The following STK32B variants were observed in gnomAD, a reference collection of about 807,000 sequenced individuals.
The protein encoded by STK32B is serine/threonine-protein kinase 32B.
Under a neutral mutation model 52.6 loss-of-function variants are expected in STK32B, and 43 were observed. That is an observed-to-expected ratio of 0.82 (90% confidence interval 0.64 to 1.05). The LOEUF (loss-of-function observed/expected upper bound fraction) is 1.05. Ranked by LOEUF, STK32B falls within the 50% of genes least tolerant of loss-of-function variation. STK32B has a pLI of 0.00. For missense variants in STK32B, 621 were observed against 534.6 expected, an observed-to-expected ratio of 1.16 and a Z score of -1.59; for synonymous variants, 238 against 204.3, an observed-to-expected ratio of 1.17 and a Z score of -1.41.
At chr4:5,260,139 A>G (rs929506321) in intron 3 of STK32B, among the ~76,000 whole-genome samples, 4 of 152,150 alleles carry the variant, frequency 2.6e-5, no homozygotes. Flanking sequence ...ACTAAAATTT[A>G]CAGCTTCACG....
At chr4:5,126,278 C>A (rs1224164630) in intron 1 of STK32B, among the ~76,000 whole-genome samples, 1 of 152,148 alleles carries the variant, frequency 6.6e-6, no homozygotes, top group South Asian at 2.1e-4. Flanking sequence ...ATCTCCATCC[C>A]TTCTTGTCAT....
intron 3 of STK32B, among the ~76,000 whole-genome samples, chr4:5,290,831 G>T (rs1728853686): frequency 6.6e-6 from 1 of 152,038 alleles, no homozygotes; most frequent in Non-Finnish European, 1.5e-5. Context: ...AAATTGATCT[G>T]TAGATTCAAC....
At chr4:5,214,210 A>C (rs925927515) in intron 3 of STK32B, 3 of 152,150 alleles carry the variant, frequency 2.0e-5, no homozygotes, top group Admixed American at 6.5e-5. Context: ...CTGGTTGTTT[A>C]AAAGTGTGTA....
chr4:5,371,941 A>C (rs527822623), intron 4 of STK32B, among the ~76,000 whole-genome samples: 2 of 152,204 alleles, frequency 1.3e-5, no homozygotes, highest in Admixed American at 6.5e-5. Flanking sequence ...AAGCACCTCC[A>C]TGCAGAACAC....
Position 5,264,971 on chromosome 4 carries a change from T to C in STK32B, c.261-66249T>C, listed in dbSNP as rs115321117. ...TGGATGAACTGCCATTTTTCTTCTT[T>C]ATGTTCATTGCTTCCTATCCCCTAA... On this transcript the variant is annotated intron_variant, in intron 3 of 11. Coordinates refer to ENST00000282908, the MANE Select transcript of STK32B (RefSeq NM_018401.3). 5.6e-3 allele frequency among the ~76,000 whole-genome samples: 856 copies of C among 152,326 alleles called. 5 individuals are homozygous for C. The highest frequency in any genetic ancestry group is 0.019 in the African/African-American group (785 of 41,572).
chr4:5,317,690 G>A (rs1007303841), intron 3 of STK32B, among the ~76,000 whole-genome samples: 1 of 149,982 alleles, frequency 6.7e-6, no homozygotes, highest in African/African-American at 2.5e-5. Flanking sequence ...GGTGCCATCT[G>A]CAAAGAGCTC....
At chr4:5,137,347 G>A (rs1366419658) in intron 1 of STK32B, among the ~76,000 whole-genome samples, 1 of 152,196 alleles carries the variant, frequency 6.6e-6, no homozygotes, top group African/African-American at 2.4e-5. Context: ...ACTCCCTAAA[G>A]TCAGACTCCA....
intron 3 of STK32B, among the ~76,000 whole-genome samples, chr4:5,235,931 A>G (rs1028643188): frequency 2.0e-5 from 3 of 152,178 alleles, no homozygotes; most frequent in Non-Finnish European, 4.4e-5. Flanking sequence ...CTTTAAAGGA[A>G]GCAGGGAAAA....
At chr4:5,163,440 G>A (rs868642610) in intron 2 of STK32B, among the ~76,000 whole-genome samples, 8 of 152,178 alleles carry the variant, frequency 5.3e-5, no homozygotes, top group African/African-American at 1.9e-4. Context: ...TGTAAATTGG[G>A]TGGCAGTAGG....
At position 5,109,767 on chromosome 4, in the gene STK32B, G is replaced by T. The variant is rs1302904641; in HGVS notation, c.53-30138G>T. Among the ~76,000 whole-genome samples, 5 of 152,288 alleles carry T rather than the reference G, an allele frequency of 3.3e-5. No homozygotes were observed. The East Asian group carries it at 9.7e-4, about 29-fold the overall frequency. On this transcript the variant is annotated intron_variant, in intron 1 of 11. Transcript: ENST00000282908. ...CATAGTACTAACAGTCCTAGCCAGA[G>T]CAATCAGGCAGGAGAGAGAGATAAA...
At position 5,183,244 on chromosome 4, in the gene STK32B, G is replaced by A. The variant is rs200393302; in HGVS notation, c.260+14794G>A. Among the ~76,000 whole-genome samples the A allele has an allele frequency of 3.0e-3, 451 of 152,194 alleles. 1 individual carries two copies. Among genetic ancestry groups the A allele is most frequent in the African/African-American group, 0.01 (422 of 41,516 alleles). On this transcript the variant is annotated intron_variant, in intron 3 of 11. Transcript: ENST00000282908. ...TGTAATCCCAGCACATTGGGAACCC[G>A]AGGCAGGCAGATCACCTGAGGTCAG...
At chr4:5,384,650 G>A (rs1736133347) in intron 4 of STK32B, among the ~76,000 whole-genome samples, 1 of 152,206 alleles carries the variant, frequency 6.6e-6, no homozygotes, top group Non-Finnish European at 1.5e-5. Flanking sequence ...CAGGTGAACA[G>A]TCAAGGGAGT....
At chr4:5,493,145 G>T (rs1257242518) in intron 11 of STK32B, among the ~76,000 whole-genome samples, 1 of 151,822 alleles carries the variant, frequency 6.6e-6, no homozygotes, top group African/African-American at 2.4e-5. Flanking sequence ...AATAGTTTCA[G>T]AAGGAATGGT....
At position 5,378,833 on chromosome 4, in the gene STK32B, C is replaced by T. The variant is rs1267635300; in HGVS notation, c.435-19374C>T. 1.3e-5 allele frequency among the ~76,000 whole-genome samples: 2 copies of T among 152,152 alleles called. No individual in the cohort carries two copies. The highest frequency in any genetic ancestry group is 2.9e-5 in the Non-Finnish European group (2 of 68,030). ...AGCCCCATCCCGAAGACTCGGGCTTCACTGCTGACTGGGGCTTGTGATCCT... is the reference window on the plus strand; with the variant it reads ...AGCCCCATCCCGAAGACTCGGGCTTTACTGCTGACTGGGGCTTGTGATCCT... On this transcript the variant is annotated intron_variant, in intron 4 of 11. Coordinates refer to ENST00000282908, the MANE Select transcript of STK32B (RefSeq NM_018401.3). The surrounding 1 kb of genome is among the most constrained non-coding windows in gnomAD (Gnocchi z 4.4).
chr4:5,491,027 TAAAC>T (rs1394703832), intron 11 of STK32B, among the ~76,000 whole-genome samples: 2 of 152,250 alleles, frequency 1.3e-5, no homozygotes, highest in Non-Finnish European at 2.9e-5. Flanking sequence ...AGTGCCATAA[TAAAC>T]AGACGTGTGC....
chr4:5,021,163 G>A, the STK32B span, among the ~76,000 whole-genome samples: 1 of 152,160 alleles, frequency 6.6e-6, no homozygotes, highest in Non-Finnish European at 1.5e-5. Flanking sequence ...TCTCGACCTG[G>A]CCTCCATTCC....
chr4:5,302,572 A>G (rs1729634837), intron 3 of STK32B, among the ~76,000 whole-genome samples: 1 of 152,080 alleles, frequency 6.6e-6, no homozygotes, highest in African/African-American at 2.4e-5. Context: ...GAAAATATCA[A>G]TATTTGCCAT....
chr4:5,103,233 C>T (rs76843295), intron 1 of STK32B, among the ~76,000 whole-genome samples: 3,241 of 151,804 alleles, frequency 0.021, 112 homozygotes, highest in African/African-American at 0.073. Context: ...ACCAGTGTAC[C>T]CTGCCCTCAG....
chr4:5,287,160 G>A (rs1361842275), intron 3 of STK32B, among the ~76,000 whole-genome samples: 1 of 152,126 alleles, frequency 6.6e-6, no homozygotes, highest in Non-Finnish European at 1.5e-5. Context: ...GCATGTATAT[G>A]TTCAGCTTTA....
Sources: allele counts gnomAD v4.1 joint callset (sites outside exome capture counted in the v4.1 genomes callset), GRCh38; gene constraint gnomAD v4.1.1; non-coding constraint Gnocchi (gnomAD v3.1); transcripts MANE v1.5; gene names NCBI Gene and HGNC (gene_info 2026-07-23, HGNC 2026-07-21).